The following VAC14 variants were observed in gnomAD, a reference collection of about 807,000 sequenced individuals.
VAC14 encodes VAC14 component of PIKFYVE complex, also known as protein VAC14 homolog.
Under a neutral mutation model 85.3 loss-of-function variants are expected in VAC14, and 47 were observed. The observed-to-expected ratio is 0.55, with a 90% confidence interval of 0.44 to 0.70. VAC14 has a LOEUF of 0.70. Ranked by LOEUF, VAC14 falls within the 30% of genes least tolerant of loss-of-function variation. VAC14 has a pLI of 0.00. For synonymous variants in VAC14, 447 were observed against 430.5 expected, an observed-to-expected ratio of 1.04 and a Z score of -0.47; for missense variants, 861 against 1,004.3, an observed-to-expected ratio of 0.86 and a Z score of 1.93.
chr16:70,719,323 C>T (rs749640294), intron 14 of VAC14, among the ~76,000 whole-genome samples: 9 of 151,936 alleles, frequency 5.9e-5, no homozygotes, highest in Non-Finnish European at 1.3e-4. Flanking sequence ...CCTAATTCCC[C>T]GAAAAAGCAT....
At chr16:70,701,322 G>GC (rs2053823374) in intron 14 of VAC14, among the ~76,000 whole-genome samples, 1 of 152,100 alleles carries the variant, frequency 6.6e-6, no homozygotes, top group African/African-American at 2.4e-5. Flanking sequence ...CACCTAGCAG[G>GC]CATTTCAAAC....
chr16:70,690,905 C>T (rs1001980769), intron 18 of VAC14: 2 of 985,138 alleles, frequency 2.0e-6, no homozygotes, highest in Non-Finnish European at 2.4e-6. Flanking sequence ...GGGGGTGTCT[C>T]ACACACCCAT....
In VAC14 at chr16:70,693,736, G is replaced by A. The variant is rs533158543; in HGVS notation, c.2036-765C>T. ...GGAAACGGGCTCACTTTTCTTCTGCGAGCCTCTCCAGGAGAATCACTGGCT... is the reference window on the plus strand; with the variant it reads ...GGAAACGGGCTCACTTTTCTTCTGCAAGCCTCTCCAGGAGAATCACTGGCT... On this transcript the variant is annotated intron_variant, in intron 17 of 18. Transcript: ENST00000261776. Among the ~76,000 whole-genome samples the A allele has an allele frequency of 5.3e-5, 8 of 152,224 alleles. No homozygotes were observed. In the South Asian group the frequency reaches 6.2e-4, roughly 12 times the overall value.
intron 14 of VAC14, among the ~76,000 whole-genome samples, chr16:70,719,083 G>A (rs758293242): frequency 6.6e-5 from 10 of 152,236 alleles, no homozygotes; most frequent in Non-Finnish European, 1.2e-4. Context: ...CCTGGCTGCC[G>A]CAGAAGCCCC....
At chr16:70,725,453 G>C (rs13338419) in intron 14 of VAC14, among the ~76,000 whole-genome samples, 1 of 151,936 alleles carries the variant, frequency 6.6e-6, no homozygotes, top group Non-Finnish European at 1.5e-5. Context: ...CCTTCCCCCA[G>C]GCCCCACAAT....
At chr16:70,728,691 C>T (rs2054501342) in intron 14 of VAC14, among the ~76,000 whole-genome samples, 1 of 152,184 alleles carries the variant, frequency 6.6e-6, no homozygotes, top group Non-Finnish European at 1.5e-5. Flanking sequence ...TCTCGCCATG[C>T]GTCTTGGTCA....
rs1474056543 is a variant in VAC14 at position 70,789,516 on chromosome 16, G to A, written c.105-3151C>T. ...GCTGCTCACATCTGGGGCATTGGTG[G>A]TTCAGTGGTAGAATTCTCGCCTGCC... On this transcript the variant is annotated intron_variant, in intron 1 of 18. Coordinates refer to ENST00000261776, the MANE Select transcript of VAC14 (RefSeq NM_018052.5). Among the ~76,000 whole-genome samples the A allele has an allele frequency of 3.9e-5, 6 of 152,208 alleles. No individual in the cohort carries two copies. The East Asian group carries it at 1.2e-3, about 29-fold the overall frequency.
rs376671006 is a variant in VAC14, at chr16:70,687,923, G to A, written c.*5C>T. ...CTCGGTGGGCCCTCCTCCGTGCCAG[G>A]CCTGTCAGAGGACAACCCTCCGGTC... On this transcript the variant is annotated 3_prime_UTR_variant, in exon 19 of 19. Transcript: ENST00000261776. The A allele has an allele frequency of 1.0e-5, 16 of 1,532,104 alleles. No individual in the cohort carries two copies. Among genetic ancestry groups the A allele is most frequent in the African/African-American group, 4.2e-5 (3 of 71,818 alleles). 94.9% of individuals were successfully genotyped at this position (1,532,104 alleles called of 1,614,324 possible).
At chr16:70,692,563 C>T (rs951982557) in intron 18 of VAC14, among the ~76,000 whole-genome samples, 1 of 152,170 alleles carries the variant, frequency 6.6e-6, no homozygotes, top group Non-Finnish European at 1.5e-5. Context: ...CTGAGCTGGA[C>T]CCTGATTGCC....
chr16:70,790,857 T>C lies in VAC14; in HGVS notation c.105-4492A>G, dbSNP rs376005933. On this transcript the variant is annotated intron_variant, in intron 1 of 18. Coordinates refer to ENST00000261776, the MANE Select transcript of VAC14 (RefSeq NM_018052.5). ...CTGTTTCCGCCCCTGCACTTAAGGG[T>C]AGAATATTCTTCATCTCCAGGAAAA... 9.9e-5 allele frequency among the ~76,000 whole-genome samples: 15 copies of C among 152,220 alleles called. No homozygotes were observed. In the East Asian group the frequency reaches 1.5e-3, roughly 16 times the overall value.
intron 1 of VAC14, among the ~76,000 whole-genome samples, chr16:70,788,111 AG>A (rs1192451967): frequency 6.6e-6 from 1 of 152,250 alleles, no homozygotes. Flanking sequence ...AAGAATTTTA[AG>A]AACAGTCATG....
At chr16:70,748,080 C>G (rs574757941) in intron 12 of VAC14, among the ~76,000 whole-genome samples, 11 of 152,350 alleles carry the variant, frequency 7.2e-5, no homozygotes, top group Admixed American at 2.0e-4. Flanking sequence ...GAGACTTGGA[C>G]AGTCACCTGC....
intron 18 of VAC14, chr16:70,688,753 C>A (rs2053545099): frequency 5.1e-6 from 5 of 985,464 alleles, no homozygotes; most frequent in African/African-American, 1.7e-5. Flanking sequence ...CATGATGCTC[C>A]CTATAATGGT....
chr16:70,787,804 C>T (rs1383413798), intron 1 of VAC14, among the ~76,000 whole-genome samples: 1 of 152,204 alleles, frequency 6.6e-6, no homozygotes, highest in Non-Finnish European at 1.5e-5. Context: ...GAGAACAGTA[C>T]AGCAGCGGGA....
intron 14 of VAC14, among the ~76,000 whole-genome samples, chr16:70,707,125 CA>C (rs1358764105): frequency 6.6e-6 from 1 of 152,216 alleles, no homozygotes; most frequent in East Asian, 1.9e-4. Flanking sequence ...TCCAGAATCT[CA>C]CTGCATCCTG....
At chr16:70,696,430 T>G (rs572728762) in intron 16 of VAC14, among the ~76,000 whole-genome samples, 68 of 152,300 alleles carry the variant, frequency 4.5e-4, no homozygotes, top group Admixed American at 2.1e-3. Flanking sequence ...GGAGAATCAC[T>G]TAAACCCAGG....
chr16:70,744,636 T>C (rs2030693104), intron 12 of VAC14, 57 bp from the exon 13 acceptor site: 3 of 1,509,126 alleles, frequency 2.0e-6, no homozygotes, highest in Non-Finnish European at 2.7e-6. Flanking sequence ...TGTGCTGACC[T>C]GGGCAGAGGT....
At position 70,776,185 on chromosome 16, in the gene VAC14, C is replaced by T. The variant is rs541546321; in HGVS notation, c.1097-4013G>A. Among the ~76,000 whole-genome samples the T allele has an allele frequency of 5.3e-5, 8 of 152,314 alleles. 1 individual carries two copies. The highest frequency in any genetic ancestry group is 2.1e-4 in the South Asian group (1 of 4,830). ...GCGTGATCATGGCTCACTGCAGCCT[C>T]GAGCTCCTGGGCTCAGGAGATCCTC... On this transcript the variant is annotated intron_variant, in intron 9 of 18. Transcript: ENST00000261776.
At chr16:70,752,500 C>G (rs1233935821) in intron 12 of VAC14, among the ~76,000 whole-genome samples, 2 of 152,238 alleles carry the variant, frequency 1.3e-5, no homozygotes, top group Non-Finnish European at 2.9e-5. Flanking sequence ...GTTATAAATT[C>G]TCTCCATGAG....
Sources: allele counts gnomAD v4.1 joint callset (sites outside exome capture counted in the v4.1 genomes callset), GRCh38; gene constraint gnomAD v4.1.1; transcripts MANE v1.5; gene names NCBI Gene and HGNC (gene_info 2026-07-23, HGNC 2026-07-21).